MLLT10: variants seen among roughly 807,000 people sequenced by gnomAD.
MLLT10 encodes the protein MLLT10 histone lysine methyltransferase DOT1L cofactor, also known as protein AF-10.
A neutral mutation model predicts 129.1 loss-of-function variants in MLLT10; 30 were observed. The observed-to-expected ratio is 0.23, with a 90% CI of 0.17 to 0.32. The LOEUF is 0.32. Among genes scored for constraint, MLLT10 ranks in the 10% least tolerant of loss-of-function variants. The pLI is 1.00. For missense variants in MLLT10, 1,119 were observed against 1,268.3 expected (o/e 0.88, Z 1.79); for synonymous variants, 490 against 446.4 (o/e 1.10, Z -1.23).
At chr10:21,593,764 TA>T (rs1361594390) in intron 4 of MLLT10, among the ~76,000 whole-genome samples, 1 of 151,448 alleles carries the variant, frequency 6.6e-6, no homozygotes. Context: ...TGGTCTCTAC[TA>T]AAAATACAAA....
At chr10:21,653,509 T>G (rs1368814697) in intron 9 of MLLT10, among the ~76,000 whole-genome samples, 1 of 152,212 alleles carries the variant, frequency 6.6e-6, no homozygotes, top group East Asian at 1.9e-4. Context: ...GCATCTCTTT[T>G]GCTTTTAGTT....
intron 13 of MLLT10, chr10:21,688,478 G>A: frequency 6.2e-7 from 1 of 1,607,182 alleles, no homozygotes; most frequent in Non-Finnish European, 8.5e-7. Context: ...ATTAAAGTGT[G>A]TCTTTTCTTT....
chr10:21,573,757 C>T (rs773890902), intron 3 of MLLT10, among the ~76,000 whole-genome samples: 8 of 151,958 alleles, frequency 5.3e-5, no homozygotes, highest in African/African-American at 1.2e-4. Context: ...GACAGGGTTT[C>T]ACCATGTTGG....
At chr10:21,646,824 A>G (rs930065815) in intron 8 of MLLT10, among the ~76,000 whole-genome samples, 4 of 151,842 alleles carry the variant, frequency 2.6e-5, no homozygotes, top group Non-Finnish European at 4.4e-5. Context: ...CTCATCTGTT[A>G]ACAGTTTTCC....
At chr10:21,665,304 G>T (rs532935856) in intron 9 of MLLT10, among the ~76,000 whole-genome samples, 17 of 75,412 alleles carry the variant, frequency 2.3e-4, no homozygotes, top group Non-Finnish European at 3.6e-4. Context: ...TTTTTTTTGG[G>T]GGGGGGGGGG....
intron 3 of MLLT10, among the ~76,000 whole-genome samples, chr10:21,561,630 T>A (rs888915902): frequency 6.6e-6 from 1 of 152,184 alleles, no homozygotes; most frequent in African/African-American, 2.4e-5. Flanking sequence ...AAGATAAGTG[T>A]CCACCTACAT....
chr10:21,557,263 G>C, intron 3 of MLLT10: 1 of 883,128 alleles, frequency 1.1e-6, no homozygotes, highest in Non-Finnish European at 1.4e-6. Context: ...AATAGTTTAT[G>C]AAATCTGTAT....
Position 21,595,332 on chromosome 10 carries a change from T to C in MLLT10, c.297T>C (p.Gly99=), listed in dbSNP as rs144239673. The C allele has an allele frequency of 9.8e-5, 158 of 1,608,440 alleles. No individual in the cohort carries two copies. Among genetic ancestry groups the C allele is most frequent in the Non-Finnish European group, 1.3e-4 (150 of 1,176,360 alleles). Residue 99 remains glycine, a splice_region_variant and synonymous_variant, in exon 5 of 23, where the codon GGT becomes GGC. Transcript: ENST00000307729. ...DGALKRTDNG[G]WAHVVCALYI... ...TGACATTTATTTATTTATTTTTAGG[T>C]TGGGCCCATGTGGTTTGTGCCCTGT...
intron 8 of MLLT10, among the ~76,000 whole-genome samples, chr10:21,642,489 T>C (rs1564562812): frequency 6.6e-6 from 1 of 152,056 alleles, no homozygotes; most frequent in Non-Finnish European, 1.5e-5. Flanking sequence ...AAACCCCGTC[T>C]CTACTAAAAA....
At chr10:21,659,571 T>G (rs1455224650) in intron 9 of MLLT10, among the ~76,000 whole-genome samples, 9 of 150,530 alleles carry the variant, frequency 6.0e-5, no homozygotes, top group African/African-American at 2.2e-4. Context: ...AGTGCAGTGG[T>G]GTGATCTCGG....
At chr10:21,727,215 C>T (rs1279069099) in intron 15 of MLLT10, among the ~76,000 whole-genome samples, 1 of 152,114 alleles carries the variant, frequency 6.6e-6, no homozygotes, top group Non-Finnish European at 1.5e-5. Flanking sequence ...GAACTAACTG[C>T]AGGGGAAATA....
At chr10:21,602,737 T>G (rs1347723373) in intron 5 of MLLT10, among the ~76,000 whole-genome samples, 8 of 152,088 alleles carry the variant, frequency 5.3e-5, no homozygotes, top group African/African-American at 1.7e-4. Flanking sequence ...TAAACTCTTT[T>G]TTTTTTTTTG....
At chr10:21,640,244 ATATT>A (rs970397097) in intron 8 of MLLT10, among the ~76,000 whole-genome samples, 39 of 143,610 alleles carry the variant, frequency 2.7e-4, no homozygotes, top group African/African-American at 8.9e-4. Flanking sequence ...TGTAATATAA[ATATT>A]TATATTACAT....
intron 3 of MLLT10, among the ~76,000 whole-genome samples, chr10:21,560,205 A>C (rs978780078): frequency 6.6e-6 from 1 of 152,056 alleles, no homozygotes; most frequent in African/African-American, 2.4e-5. Context: ...GGGTTTCTCC[A>C]TGTTGGTCAG....
chr10:21,577,468 T>G (rs932678110), intron 3 of MLLT10, among the ~76,000 whole-genome samples: 1 of 151,294 alleles, frequency 6.6e-6, no homozygotes, highest in African/African-American at 2.4e-5. Context: ...AAGGTTTTTT[T>G]TTTTTTTTTT....
At chr10:21,565,761 A>G (rs1564422334) in intron 3 of MLLT10, among the ~76,000 whole-genome samples, 1 of 151,174 alleles carries the variant, frequency 6.6e-6, no homozygotes, top group East Asian at 2.0e-4. Flanking sequence ...GTGCACCATC[A>G]CACCTGGCTG....
intron 8 of MLLT10, among the ~76,000 whole-genome samples, chr10:21,639,531 T>C (rs1273082531): frequency 6.6e-6 from 1 of 152,150 alleles, no homozygotes; most frequent in African/African-American, 2.4e-5. Flanking sequence ...GATGAAGAGA[T>C]GAATAGTGTG....
At chr10:21,543,103 C>T (rs2035472242) in intron 3 of MLLT10, among the ~76,000 whole-genome samples, 1 of 151,168 alleles carries the variant, frequency 6.6e-6, no homozygotes, top group Non-Finnish European at 1.5e-5. Flanking sequence ...AGATTACAGA[C>T]ACCATGCCCG....
intron 3 of MLLT10, among the ~76,000 whole-genome samples, chr10:21,576,373 G>A (rs978479492): frequency 1.3e-5 from 2 of 151,496 alleles, no homozygotes; most frequent in African/African-American, 4.9e-5. Flanking sequence ...CTCCCGAGTA[G>A]CTGGGACTAC....
Sources: gnomAD v4.1 joint callset for allele counts (sites outside exome capture counted in the v4.1 genomes callset) on GRCh38, gnomAD v4.1.1 for gene constraint, MANE v1.5 for transcripts, NCBI Gene and HGNC (gene_info 2026-07-23, HGNC 2026-07-21) for gene names.